Variants in CAMK2D observed in about 807,000 individuals in gnomAD.
The protein encoded by CAMK2D is calcium/calmodulin-dependent protein kinase type II subunit delta.
CAMK2D carries 37 observed loss-of-function variants against 84.0 expected under a neutral mutation model. The observed-to-expected ratio is 0.44, with a 90% CI of 0.34 to 0.58. CAMK2D has a LOEUF of 0.58. CAMK2D is among the 20% of genes least tolerant of loss of function. The pLI, the probability that CAMK2D is intolerant of heterozygous loss-of-function variation, is 0.02. For missense variants in CAMK2D, 448 were observed against 652.5 expected (o/e 0.69, Z 3.41); for synonymous variants, 202 against 212.5 (o/e 0.95, Z 0.43).
intron 3 of CAMK2D, among the ~76,000 whole-genome samples, chr4:113,641,986 G>A (rs1285948111): frequency 1.3e-5 from 2 of 151,546 alleles, no homozygotes; most frequent in Non-Finnish European, 2.9e-5. Context: ...CTCCAGCCTG[G>A]GCAACAAGAG....
intron 2 of CAMK2D, among the ~76,000 whole-genome samples, chr4:113,722,517 G>A (rs967728051): frequency 3.3e-5 from 5 of 152,062 alleles, no homozygotes; most frequent in East Asian, 1.9e-4. Flanking sequence ...TAAAGTACAC[G>A]GCTCTTTATT....
At chr4:113,513,249 A>T (rs2098241136) in intron 12 of CAMK2D, 79 bp downstream of exon 12, 14 of 1,577,870 alleles carry the variant, frequency 8.9e-6, no homozygotes, top group Non-Finnish European at 1.2e-5. Flanking sequence ...TTAGATTTTT[A>T]AAATTCCAGA....
Position 113,687,045 on chromosome 4 carries a change from A to C in CAMK2D, c.161-25273T>G, listed in dbSNP as rs188878380. ...AAAAATCAACTATGTATATAATAAA[A>C]TGTTTGCAAAATTCACCTGGTAACC... On this transcript the variant is annotated intron_variant, in intron 2 of 20. Coordinates refer to ENST00000511664, the MANE Select transcript of CAMK2D (RefSeq NM_001321571.2). 4.8e-3 allele frequency among the ~76,000 whole-genome samples: 736 copies of C among 152,296 alleles called. 10 individuals are homozygous for C. Among genetic ancestry groups the C allele is most frequent in the African/African-American group, 0.014 (581 of 41,566 alleles).
chr4:113,742,352 T>C (rs1463092770), intron 2 of CAMK2D, among the ~76,000 whole-genome samples: 2 of 152,088 alleles, frequency 1.3e-5, no homozygotes, highest in Non-Finnish European at 2.9e-5. Flanking sequence ...TTCCAGAACT[T>C]TGAAGTCTGA....
intron 4 of CAMK2D, among the ~76,000 whole-genome samples, chr4:113,583,690 G>GT (rs2098821179): frequency 6.6e-6 from 1 of 152,128 alleles, no homozygotes; most frequent in Non-Finnish European, 1.5e-5. Flanking sequence ...AAAATTTCTA[G>GT]TTTAACTTAT....
intron 2 of CAMK2D, among the ~76,000 whole-genome samples, chr4:113,672,034 T>C (rs898571302): frequency 1.2e-4 from 19 of 152,194 alleles, no homozygotes; most frequent in African/African-American, 4.6e-4. Flanking sequence ...TGCATGTTCC[T>C]TGTTATGCTT....
intron 6 of CAMK2D, 87 bp from the exon 7 acceptor site, chr4:113,537,530 G>A: frequency 1.3e-6 from 1 of 777,416 alleles, no homozygotes; most frequent in Middle Eastern, 3.7e-4. Flanking sequence ...ACAGGATTAG[G>A]GGGAAAAAAT....
intron 13 of CAMK2D, among the ~76,000 whole-genome samples, chr4:113,505,605 AATT>A (rs1192423974): frequency 9.1e-6 from 1 of 109,920 alleles, no homozygotes; most frequent in African/African-American, 3.5e-5. Flanking sequence ...TTACATCTTC[AATT>A]ATTAGTGGGG....
intron 10 of CAMK2D, 137 bp downstream of exon 10, chr4:113,514,932 A>T (rs938551439): frequency 1.2e-6 from 1 of 811,662 alleles, no homozygotes; most frequent in Admixed American, 2.5e-5. Context: ...TAATTTTCTT[A>T]AACACCTCGA....
intron 2 of CAMK2D, among the ~76,000 whole-genome samples, chr4:113,693,360 T>C (rs1431376643): frequency 1.3e-5 from 2 of 148,236 alleles, no homozygotes; most frequent in Non-Finnish European, 3.0e-5. Flanking sequence ...TGCTAACAGA[T>C]TTTTTTTTTA....
chr4:113,506,388 C>T (rs1465220500), intron 13 of CAMK2D, among the ~76,000 whole-genome samples: 1 of 152,182 alleles, frequency 6.6e-6, no homozygotes, highest in African/African-American at 2.4e-5. Flanking sequence ...AACTTCTAAA[C>T]TTTCCTTTAC....
chr4:113,584,997 G>A (rs551853123), intron 4 of CAMK2D, among the ~76,000 whole-genome samples: 16 of 152,206 alleles, frequency 1.1e-4, no homozygotes, highest in Admixed American at 7.9e-4. Context: ...CTGTTTATCC[G>A]GGTCCCACAC....
intron 2 of CAMK2D, 62 bp from the exon 3 acceptor site, chr4:113,661,834 C>G: frequency 1.3e-6 from 1 of 766,146 alleles, no homozygotes; most frequent in Non-Finnish European, 2.1e-6. Context: ...ACACAATAAA[C>G]AGCATAACAA....
intron 2 of CAMK2D, among the ~76,000 whole-genome samples, chr4:113,724,108 G>T (rs1009051938): frequency 6.6e-6 from 1 of 151,980 alleles, no homozygotes; most frequent in Non-Finnish European, 1.5e-5. Context: ...GTTTATTCAT[G>T]TGAACTGTTA....
chr4:113,575,759 T>C (rs1045452298), intron 4 of CAMK2D, among the ~76,000 whole-genome samples: 1 of 152,186 alleles, frequency 6.6e-6, no homozygotes, highest in African/African-American at 2.4e-5. Context: ...TGCTTGGACA[T>C]TAGATTATAA....
intron 3 of CAMK2D, among the ~76,000 whole-genome samples, chr4:113,626,273 G>A (rs547642257): frequency 2.8e-4 from 42 of 152,230 alleles, no homozygotes; most frequent in African/African-American, 7.5e-4. Context: ...ATCATCTAAC[G>A]GAGAAATCAA....
At chr4:113,685,376 A>G (rs2099356928) in intron 2 of CAMK2D, among the ~76,000 whole-genome samples, 1 of 151,912 alleles carries the variant, frequency 6.6e-6, no homozygotes, top group South Asian at 2.1e-4. Context: ...AGTAGCTGGA[A>G]CTATAGGCGT....
intron 10 of CAMK2D, 71 bp from the exon 11 acceptor site, chr4:113,513,984 A>G: frequency 1.5e-6 from 1 of 671,972 alleles, no homozygotes; most frequent in Non-Finnish European, 2.6e-6. Flanking sequence ...AATGTCCCTG[A>G]CTTCATCAAA....
At chr4:113,684,597 G>C (rs1370794792) in intron 2 of CAMK2D, among the ~76,000 whole-genome samples, 4 of 152,158 alleles carry the variant, frequency 2.6e-5, no homozygotes, top group Non-Finnish European at 5.9e-5. Flanking sequence ...ACAGCGTCTA[G>C]TCACACTCTG....
Sources: allele counts gnomAD v4.1 joint callset (sites outside exome capture counted in the v4.1 genomes callset), GRCh38; gene constraint gnomAD v4.1.1; transcripts MANE v1.5; gene names NCBI Gene and HGNC (gene_info 2026-07-23, HGNC 2026-07-21).